AQP9: variants seen among roughly 807,000 people sequenced by gnomAD.
AQP9 encodes the protein aquaporin 9.
A neutral mutation model predicts 23.8 loss-of-function variants in AQP9; 19 were observed. The observed-to-expected ratio is 0.80, with a 90% CI of 0.56 to 1.17. The LOEUF is 1.17. Ranked by LOEUF, AQP9 falls within the 50% of genes most tolerant of loss-of-function variation. AQP9 has a pLI of 0.00. For synonymous variants in AQP9, 153 were observed against 131.5 expected, an observed-to-expected ratio of 1.16 and a Z score of -1.12; for missense variants, 413 against 362.0, an observed-to-expected ratio of 1.14 and a Z score of -1.14.
intron 1 of AQP9, among the ~76,000 whole-genome samples, chr15:58,161,819 T>G (rs1274507693): frequency 1.3e-5 from 2 of 152,194 alleles, no homozygotes; most frequent in Non-Finnish European, 2.9e-5. Context: ...AGCCATATGA[T>G]TCAAATCTGG....
intron 1 of AQP9, chr15:58,152,503 G>T (rs541187858): frequency 1.3e-5 from 2 of 152,208 alleles, no homozygotes; most frequent in South Asian, 4.1e-4. Flanking sequence ...TATGGGGTTT[G>T]CATACTGTAA....
chr15:58,146,802 A>G (rs1288597703), intron 1 of AQP9: 1 of 152,190 alleles, frequency 6.6e-6, no homozygotes, highest in Non-Finnish European at 1.5e-5. Context: ...GCAAACTGAA[A>G]AGAGAAGCCT....
intron 1 of AQP9, among the ~76,000 whole-genome samples, chr15:58,158,315 G>T (rs1898305790): frequency 6.6e-6 from 1 of 152,124 alleles, no homozygotes; most frequent in Non-Finnish European, 1.5e-5. Context: ...ACGGCTAAAA[G>T]TTCGGGCCTC....
At position 58,143,702 on chromosome 15, in the gene AQP9, T is replaced by C. The variant is rs184116497; in HGVS notation, c.111+5026T>C. ...ATTTGAGACTTTTTCCCAGAGACAC[T>C]TTCTGAAATTTATTAATTTGGGAAC... On this transcript the variant is annotated intron_variant, in intron 1 of 5. Coordinates refer to ENST00000219919, the MANE Select transcript of AQP9 (RefSeq NM_020980.5). 3.4e-3 allele frequency among the ~76,000 whole-genome samples: 520 copies of C among 152,332 alleles called. 6 individuals are homozygous for C. Among genetic ancestry groups the C allele is most frequent in the African/African-American group, 0.012 (489 of 41,572 alleles).
At chr15:58,138,379 T>C (rs1897893485), upstream of AQP9, 1 of 513,496 alleles carries the variant, frequency 1.9e-6, no homozygotes, top group Non-Finnish European at 3.5e-6. Context: ...GGAATGACAG[T>C]TCCACCAGAA....
intron 2 of AQP9, among the ~76,000 whole-genome samples, chr15:58,172,213 C>T (rs1898640437): frequency 6.6e-6 from 1 of 152,304 alleles, no homozygotes; most frequent in South Asian, 2.1e-4. Flanking sequence ...CCGTCCATGC[C>T]TCAGTTTTCT....
intron 1 of AQP9, chr15:58,146,798 T>A (rs1595727705): frequency 2.0e-5 from 3 of 152,304 alleles, no homozygotes; most frequent in East Asian, 3.9e-4. Context: ...AGTGGCAAAC[T>A]GAAAAGAGAA....
intron 1 of AQP9, among the ~76,000 whole-genome samples, chr15:58,140,611 G>A (rs1438592041): frequency 2.6e-5 from 4 of 152,152 alleles, no homozygotes; most frequent in African/African-American, 9.7e-5. Flanking sequence ...TTTGCTGAAA[G>A]TTTATCCAAA....
intron 1 of AQP9, among the ~76,000 whole-genome samples, chr15:58,163,479 GT>G (rs1898428401): frequency 6.6e-6 from 1 of 152,116 alleles, no homozygotes; most frequent in Non-Finnish European, 1.5e-5. Context: ...CCAAGAGATT[GT>G]TTTCTAGATA....
chr15:58,151,677 T>C (rs1356808247), intron 1 of AQP9: 1 of 152,042 alleles, frequency 6.6e-6, no homozygotes. Context: ...ATAATAATAA[T>C]ATTTACCACC....
At chr15:58,145,036 T>G (rs553271108) in intron 1 of AQP9, among the ~76,000 whole-genome samples, 1,495 of 146,646 alleles carry the variant, frequency 0.01, 5 homozygotes, top group Middle Eastern at 0.042. Flanking sequence ...AAAAAAAAGA[T>G]AAAAGAAAAA....
At chr15:58,156,279 C>T (rs897177557) in intron 1 of AQP9, among the ~76,000 whole-genome samples, 1 of 152,154 alleles carries the variant, frequency 6.6e-6, no homozygotes, top group African/African-American at 2.4e-5. Flanking sequence ...CTTTTATATA[C>T]TTCATGCATT....
At chr15:58,142,168 C>T (rs1897962621) in intron 1 of AQP9, among the ~76,000 whole-genome samples, 1 of 152,160 alleles carries the variant, frequency 6.6e-6, no homozygotes, top group Non-Finnish European at 1.5e-5. Flanking sequence ...CCTTGAGCAG[C>T]ACAGAGTGTT....
At chr15:58,167,154 C>G (rs1453796443) in intron 2 of AQP9, among the ~76,000 whole-genome samples, 2 of 152,208 alleles carry the variant, frequency 1.3e-5, no homozygotes, top group African/African-American at 2.4e-5. Flanking sequence ...GTGAAGGTCA[C>G]TCCAACAGAG....
chr15:58,184,215 AG>A lies in AQP9; in HGVS notation c.*81del. 1 of 1,470,028 alleles carries A rather than the reference AG, an allele frequency of 6.8e-7. No homozygotes were observed. The highest frequency in any genetic ancestry group is 1.3e-5 in the South Asian group (1 of 78,150). 91.1% of individuals were successfully genotyped at this position (1,470,028 alleles called of 1,614,324 possible). A position where few individuals can be genotyped will look rare whatever the true frequency, so the allele number is the denominator to read the frequency against. ...GCATCTAAGTGTCTGTGTTCTTGTA[AG>A]CCTGAGGTGGAATCCACCCAGTTTT... On this transcript the variant is annotated 3_prime_UTR_variant, in exon 6 of 6. Coordinates refer to ENST00000219919, the MANE Select transcript of AQP9 (RefSeq NM_020980.5).
chr15:58,175,886 A>G (rs1898742762), intron 4 of AQP9, among the ~76,000 whole-genome samples: 2 of 152,232 alleles, frequency 1.3e-5, no homozygotes, highest in Admixed American at 1.3e-4. Flanking sequence ...CAAACAGGCA[A>G]CAAGTGTTCA....
chr15:58,139,454 T>A (rs1485156407), intron 1 of AQP9, among the ~76,000 whole-genome samples: 1 of 152,222 alleles, frequency 6.6e-6, no homozygotes. Flanking sequence ...ATTCTCTGTA[T>A]CCTGAAGTTT....
chr15:58,155,547 A>G (rs1434494924), intron 1 of AQP9: 1 of 152,030 alleles, frequency 6.6e-6, no homozygotes, highest in African/African-American at 2.4e-5. Flanking sequence ...GAGACTTTTC[A>G]CCTTTTGTTC....
intron 1 of AQP9, among the ~76,000 whole-genome samples, chr15:58,142,236 C>G (rs986665995): frequency 6.6e-6 from 1 of 152,104 alleles, no homozygotes; most frequent in African/African-American, 2.4e-5. Flanking sequence ...GAAAGGAGAG[C>G]GATCAACTGC....
Sources: gnomAD v4.1 joint callset for allele counts (sites outside exome capture counted in the v4.1 genomes callset) on GRCh38, gnomAD v4.1.1 for gene constraint, MANE v1.5 for transcripts, NCBI Gene and HGNC (gene_info 2026-07-23, HGNC 2026-07-21) for gene names.